The following LYRM4 variants were observed in gnomAD, a reference collection of about 807,000 sequenced individuals.
The protein encoded by LYRM4 is LYR motif containing 4.
A neutral mutation model predicts 11.7 loss-of-function variants in LYRM4; 9 were observed. The observed-to-expected ratio is 0.77, with a 90% CI of 0.46 to 1.34. The LOEUF is 1.34. Among genes scored for constraint, LYRM4 ranks in the 40% most tolerant of loss-of-function variants. LYRM4 has a pLI of 0.00. For missense variants in LYRM4, 133 were observed against 112.5 expected (o/e 1.18, Z -0.82); for synonymous variants, 42 against 40.4 (o/e 1.04, Z -0.15).
chr6:5,249,987 A>T (rs982556717), intron 1 of LYRM4, among the ~76,000 whole-genome samples: 9 of 152,236 alleles, frequency 5.9e-5, no homozygotes, highest in South Asian at 2.1e-4. Context: ...TAGCCATTTC[A>T]AACAGAATGT....
chr6:5,055,008 G>T, the LYRM4 span, among the ~76,000 whole-genome samples: 1 of 152,104 alleles, frequency 6.6e-6, no homozygotes, highest in Non-Finnish European at 1.5e-5. The surrounding 1 kb of genome is among the most constrained non-coding windows in gnomAD (Gnocchi z 4.5). Context: ...ACCTTTTAGG[G>T]TCAGACAAGA....
downstream of LYRM4, chr6:5,104,459 T>C (rs138404618): frequency 4.1e-3 from 628 of 151,836 alleles, 3 homozygotes; most frequent in African/African-American, 0.014. Context: ...ATTTTCTGTA[T>C]AGACAGGGTT....
chr6:5,120,086 G>C (rs943272648), intron 2 of LYRM4, among the ~76,000 whole-genome samples: 1 of 151,984 alleles, frequency 6.6e-6, no homozygotes. Context: ...TAGTAGAGAT[G>C]GGGTTTTGCC....
chr6:5,036,918 C>A, the LYRM4 span, among the ~76,000 whole-genome samples: 1 of 151,990 alleles, frequency 6.6e-6, no homozygotes, highest in Non-Finnish European at 1.5e-5. Context: ...GAGGTCCTTC[C>A]TAGGAGGGTG....
chr6:5,038,510 G>C, the LYRM4 span, among the ~76,000 whole-genome samples: 3 of 66,006 alleles, frequency 4.5e-5, 1 homozygote, highest in Non-Finnish European at 1.1e-4. Flanking sequence ...CTGCAATCTC[G>C]GCACTTTGGG....
At chr6:5,200,043 TC>T (rs1282541409) in intron 2 of LYRM4, among the ~76,000 whole-genome samples, 1 of 152,238 alleles carries the variant, frequency 6.6e-6, no homozygotes, top group Non-Finnish European at 1.5e-5. Flanking sequence ...AATCTTTTCT[TC>T]CCACAAATTC....
chr6:5,218,751 G>A (rs533679172), intron 1 of LYRM4, among the ~76,000 whole-genome samples: 2 of 152,198 alleles, frequency 1.3e-5, no homozygotes, highest in African/African-American at 2.4e-5. Context: ...AAGGGATATG[G>A]GAGGATTTTA....
chr6:5,063,321 C>A, the LYRM4 span, among the ~76,000 whole-genome samples: 1 of 151,914 alleles, frequency 6.6e-6, no homozygotes, highest in Non-Finnish European at 1.5e-5. Context: ...TGCACTGTAG[C>A]CCTCAGGGAG....
chr6:5,096,738 G>A, the LYRM4 span, among the ~76,000 whole-genome samples: 25,578 of 152,142 alleles, frequency 0.17, 2,293 homozygotes, highest in African/African-American at 0.19. Flanking sequence ...ATAGATTGTT[G>A]TGAGCACTGA....
At chr6:5,111,692 C>T (rs865790149) in intron 2 of LYRM4, among the ~76,000 whole-genome samples, 2 of 152,304 alleles carry the variant, frequency 1.3e-5, no homozygotes, top group Middle Eastern at 3.4e-3. Context: ...TGTTGATCCA[C>T]ATGTTCTGCT....
At chr6:5,155,508 C>T (rs146312413) in intron 2 of LYRM4, among the ~76,000 whole-genome samples, 1 of 152,316 alleles carries the variant, frequency 6.6e-6, no homozygotes, top group African/African-American at 2.4e-5. Context: ...GATGCTGGTA[C>T]TTTCCATCAT....
intron 2 of LYRM4, among the ~76,000 whole-genome samples, chr6:5,155,218 AT>A (rs1361501655): frequency 6.6e-6 from 1 of 152,078 alleles, no homozygotes; most frequent in African/African-American, 2.4e-5. Context: ...AGTAGCTGGG[AT>A]TACAGGCATG....
intron 2 of LYRM4, among the ~76,000 whole-genome samples, chr6:5,115,959 G>A (rs868108643): frequency 2.0e-5 from 3 of 152,102 alleles, no homozygotes; most frequent in East Asian, 1.9e-4. Context: ...CATGAGCATC[G>A]GTGACTGAGG....
the LYRM4 span, chr6:5,085,195 C>G: frequency 2.3e-6 from 1 of 426,906 alleles, no homozygotes; most frequent in Admixed American, 4.4e-5. Context: ...CCAGCGGCCG[C>G]GCCTCCCCGC....
intron 2 of LYRM4, among the ~76,000 whole-genome samples, chr6:5,134,143 T>G (rs2127615998): frequency 6.6e-6 from 1 of 152,354 alleles, no homozygotes; most frequent in African/African-American, 2.4e-5. Context: ...TAATTCTATG[T>G]TTAACTTATT....
At chr6:5,216,767 A>G in intron 1 of LYRM4, 29 bp from the exon 2 acceptor site, 1 of 1,603,966 alleles carries the variant, frequency 6.2e-7, no homozygotes, top group Admixed American at 1.7e-5. Flanking sequence ...AAAAAAAGAA[A>G]AGGTGTCAGC....
the LYRM4 span, chr6:5,089,587 C>T: frequency 6.6e-6 from 1 of 152,176 alleles, no homozygotes; most frequent in Admixed American, 6.5e-5. Context: ...ACTTTCTATT[C>T]TGTCATAACA....
At chr6:5,040,316 AATAGATAGATAGATAG>A in the LYRM4 span, among the ~76,000 whole-genome samples, 2 of 125,076 alleles carry the variant, frequency 1.6e-5, no homozygotes, top group East Asian at 4.9e-4. Context: ...TATCTCTAAC[AATAGATAGATAGATAG>A]ATAGATAGAT....
At position 5,188,340 on chromosome 6, in the gene LYRM4, C is replaced by A. The variant is rs1471136278; in HGVS notation, c.207+28278G>T. ...TGAGATCACACCACTGCACTCCAGCCTAGGTGACAGAGCAAGACTCACTCT... is the reference window on the plus strand; with the variant it reads ...TGAGATCACACCACTGCACTCCAGCATAGGTGACAGAGCAAGACTCACTCT... On this transcript the variant is annotated intron_variant, in intron 2 of 2. Coordinates refer to ENST00000330636, the MANE Select transcript of LYRM4 (RefSeq NM_020408.6). Among the ~76,000 whole-genome samples, 2 of 151,530 alleles carry A rather than the reference C, an allele frequency of 1.3e-5. 1 individual carries two copies. The highest frequency in any genetic ancestry group is 4.2e-4 in the South Asian group (2 of 4,798).
Sources: allele counts gnomAD v4.1 joint callset (sites outside exome capture counted in the v4.1 genomes callset), GRCh38; gene constraint gnomAD v4.1.1; non-coding constraint Gnocchi (gnomAD v3.1); transcripts MANE v1.5; gene names NCBI Gene and HGNC (gene_info 2026-07-23, HGNC 2026-07-21).